DMD: variants seen among roughly 807,000 people sequenced by gnomAD.
The protein encoded by DMD is dystrophin.
Under a neutral mutation model 330.1 loss-of-function variants are expected in DMD, and 63 were observed. That is an observed-to-expected ratio of 0.19 (90% confidence interval 0.16 to 0.24). DMD has a LOEUF of 0.24. Ranked by LOEUF, DMD falls within the 10% of genes least tolerant of loss-of-function variation. The pLI is 1.00. For synonymous variants in DMD, 1,223 were observed against 959.8 expected, an observed-to-expected ratio of 1.27 and a Z score of -5.07; for missense variants, 3,344 against 2,684.1, an observed-to-expected ratio of 1.25 and a Z score of -5.43.
chrX:32,868,453 G>A (rs2082692726), intron 2 of DMD, among the ~76,000 whole-genome samples: 2 of 111,898 alleles, frequency 1.8e-5, no homozygotes, highest in South Asian at 3.7e-4. Context: ...AGCTGCTGTG[G>A]GGAGGGGCAG....
At chrX:31,643,919 G>A (rs5971585) in intron 54 of DMD, among the ~76,000 whole-genome samples, 4,051 of 111,784 alleles carry the variant, frequency 0.036, 112 homozygotes, top group African/African-American at 0.087. Flanking sequence ...AAGAGTGAGT[G>A]CTTAATTTTT....
rs958898103 is a variant in DMD, at chrX:31,817,863, C to T, written c.7309+2112G>A. Among the ~76,000 whole-genome samples the T allele has an allele frequency of 4.5e-5, 5 of 111,918 alleles. No homozygotes were observed. In the East Asian group the frequency reaches 1.1e-3, roughly 25 times the overall value. ...CGTCATCTTGTTCCTACTTCAGTAT[C>T]GTTGCTCAGTCTTTTCTCTCCCTGC... On this transcript the variant is annotated intron_variant, in intron 50 of 78. Coordinates refer to ENST00000357033, the MANE Select transcript of DMD (RefSeq NM_004006.3).
chrX:33,001,405 C>G (rs1269471090), intron 2 of DMD, among the ~76,000 whole-genome samples: 1 of 111,987 alleles, frequency 8.9e-6, no homozygotes, highest in Non-Finnish European at 1.9e-5. Context: ...GCTTTAGGAA[C>G]AGTTTCAGTC....
intron 43 of DMD, among the ~76,000 whole-genome samples, chrX:32,217,386 A>T (rs967633532): frequency 8.9e-6 from 1 of 111,816 alleles, no homozygotes; most frequent in Non-Finnish European, 1.9e-5. Flanking sequence ...TCCTAAAAAT[A>T]TATTTTTTTA....
intron 55 of DMD, among the ~76,000 whole-genome samples, chrX:31,508,996 G>A (rs1270915152): frequency 9.0e-6 from 1 of 111,172 alleles, no homozygotes; most frequent in Non-Finnish European, 1.9e-5. Flanking sequence ...CATCACTGAT[G>A]GACTCTAAAG....
At chrX:31,407,638 A>C (rs755387232) in intron 60 of DMD, among the ~76,000 whole-genome samples, 1 of 80,175 alleles carries the variant, frequency 1.2e-5, no homozygotes, top group Admixed American at 1.3e-4. Flanking sequence ...CGCCTGGCTA[A>C]TTTTTTGTAT....
At chrX:32,082,634 T>C (rs1320321481) in intron 44 of DMD, among the ~76,000 whole-genome samples, 1 of 111,771 alleles carries the variant, frequency 8.9e-6, no homozygotes, top group Non-Finnish European at 1.9e-5. Context: ...ACATCCTTTG[T>C]AAAAAACAGC....
At chrX:32,796,579 A>G (rs1473383931) in intron 7 of DMD, among the ~76,000 whole-genome samples, 4 of 111,700 alleles carry the variant, frequency 3.6e-5, no homozygotes. Context: ...TATGATGTAC[A>G]TTTCAAAGTA....
At chrX:31,448,011 C>CAAAAAAAAA (rs1198070119) in intron 59 of DMD, among the ~76,000 whole-genome samples, 14 of 35,246 alleles carry the variant, frequency 4.0e-4, no homozygotes, top group East Asian at 3.3e-3. Context: ...ACTCTGTCTC[C>CAAAAAAAAA]AAAAAAAAAA....
chrX:32,532,181 T>C (rs1322273119), intron 17 of DMD, among the ~76,000 whole-genome samples: 2 of 111,856 alleles, frequency 1.8e-5, no homozygotes, highest in African/African-American at 3.2e-5. Context: ...TTATTTTTGA[T>C]GCTGAAAAAG....
chrX:32,398,703 C>T (rs953783701), intron 30 of DMD, among the ~76,000 whole-genome samples: 7 of 111,377 alleles, frequency 6.3e-5, no homozygotes, highest in Non-Finnish European at 5.7e-5. Flanking sequence ...AATGTATTTT[C>T]TAACAAAGAC....
intron 47 of DMD, among the ~76,000 whole-genome samples, chrX:31,905,006 C>T (rs894049037): frequency 3.6e-5 from 4 of 111,186 alleles, no homozygotes; most frequent in African/African-American, 1.3e-4. Flanking sequence ...AATATAAGAA[C>T]GGACCATATT....
chrX:32,857,655 G>A (rs2081691799), intron 2 of DMD, among the ~76,000 whole-genome samples: 1 of 112,084 alleles, frequency 8.9e-6, no homozygotes, highest in Non-Finnish European at 1.9e-5. Flanking sequence ...AAGTCTGTCA[G>A]ACCAAGAAGT....
chrX:32,465,660 A>G (rs1346534483), intron 23 of DMD, among the ~76,000 whole-genome samples: 3 of 96,657 alleles, frequency 3.1e-5, no homozygotes, highest in Non-Finnish European at 4.0e-5. Flanking sequence ...ATCTTGGCTC[A>G]CTGCAGCCTC....
rs778171516 is a variant in DMD at position 32,595,795 on chromosome X, C to T, written c.1564G>A (p.Gly522Arg). The change falls in exon 13 of 79, where the codon GGA (glycine) becomes AGA (arginine). Residue 522 changes from glycine to arginine, a missense_variant. Transcript: ENST00000357033. ...HMVVVVDESS[G>R]DHATAALEEQ... ...TCCAAAGCAGCAGTTGCGTGATCTC[C>T]ACTAGATTCATCAACTACCACCACC... 8.3e-7 allele frequency: 1 copy of T among 1,208,994 alleles called. No individual in the cohort carries two copies. Among genetic ancestry groups the T allele is most frequent in the Non-Finnish European group, 1.1e-6 (1 of 893,023 alleles).
intron 1 of DMD, chrX:33,127,991 T>C (rs2095475544): frequency 9.2e-7 from 1 of 1,086,964 alleles, no homozygotes; most frequent in Non-Finnish European, 1.2e-6. Flanking sequence ...AATTTAACTT[T>C]TATAGAAAGG....
At chrX:32,233,599 T>TTTTGTTTA (rs2097176529) in intron 43 of DMD, among the ~76,000 whole-genome samples, 1 of 87,960 alleles carries the variant, frequency 1.1e-5, no homozygotes, top group South Asian at 5.3e-4. Context: ...TTTCTTTTTC[T>TTTTGTTTA]TTTATTTATT....
chrX:32,886,555 C>T (rs749845666), intron 2 of DMD, among the ~76,000 whole-genome samples: 68 of 109,289 alleles, frequency 6.2e-4, no homozygotes, highest in African/African-American at 2.1e-3. Context: ...TGGTGGCAGG[C>T]GCCTGTGGTC....
At chrX:32,075,715 A>G (rs1343224351) in intron 44 of DMD, among the ~76,000 whole-genome samples, 2 of 110,130 alleles carry the variant, frequency 1.8e-5, no homozygotes, top group Non-Finnish European at 3.8e-5. Flanking sequence ...TAAGGCAATA[A>G]CATCTTTCCA....
Sources: gnomAD v4.1 joint callset for allele counts (sites outside exome capture counted in the v4.1 genomes callset) on GRCh38, gnomAD v4.1.1 for gene constraint, MANE v1.5 for transcripts, NCBI Gene and HGNC (gene_info 2026-07-23, HGNC 2026-07-21) for gene names.